RNF10: variants seen among roughly 807,000 people sequenced by gnomAD.
The protein encoded by RNF10 is E3 ubiquitin-protein ligase RNF10.
A neutral mutation model predicts 91.4 loss-of-function variants in RNF10; 38 were observed. That is an observed-to-expected ratio of 0.42 (90% CI 0.32 to 0.54). RNF10 has a LOEUF of 0.54. Among genes scored for constraint, RNF10 ranks in the 20% least tolerant of loss-of-function variants. The probability of loss-of-function intolerance (pLI) is 0.16; values close to 1 mark genes in which losing one functional copy is unlikely to be tolerated. For synonymous variants in RNF10, 364 were observed against 366.3 expected, an observed-to-expected ratio of 0.99 and a Z score of 0.07; for missense variants, 945 against 1,012.0, an observed-to-expected ratio of 0.93 and a Z score of 0.90.
chr12:120,560,942 G>A, intron 7 of RNF10, 56 bp downstream of exon 7: 1 of 1,560,894 alleles, frequency 6.4e-7, no homozygotes, highest in Non-Finnish European at 8.8e-7. Context: ...GTTCTGTGGT[G>A]AAAACCAGAA....
intron 13 of RNF10, 73 bp from the exon 14 acceptor site, chr12:120,571,118 C>G: frequency 1.1e-6 from 1 of 933,308 alleles, no homozygotes; most frequent in Non-Finnish European, 1.7e-6. Flanking sequence ...TGACTCAGGG[C>G]TCACTCATCT....
intron 2 of RNF10, among the ~76,000 whole-genome samples, chr12:120,548,518 C>G (rs1308628174): frequency 6.6e-6 from 1 of 152,024 alleles, no homozygotes; most frequent in African/African-American, 2.4e-5. Flanking sequence ...TTGAAAATGG[C>G]ATGTAGATTG....
At chr12:120,537,087 C>T (rs1470601594) in intron 1 of RNF10, among the ~76,000 whole-genome samples, 2 of 152,118 alleles carry the variant, frequency 1.3e-5, no homozygotes, top group Admixed American at 1.3e-4. Flanking sequence ...AATCCCAGCA[C>T]TTTGGGAGGC....
intron 10 of RNF10, among the ~76,000 whole-genome samples, 175 bp from the exon 11 acceptor site, chr12:120,564,897 T>C (rs1385658818): frequency 6.6e-6 from 1 of 152,256 alleles, no homozygotes; most frequent in Non-Finnish European, 1.5e-5. Flanking sequence ...TATTCCACCT[T>C]GCTGTAGGTT....
At chr12:120,546,644 A>C in intron 2 of RNF10, 43 bp downstream of exon 2, 1 of 1,521,800 alleles carries the variant, frequency 6.6e-7, no homozygotes, top group Non-Finnish European at 9.0e-7. Flanking sequence ...TAAGCATGAG[A>C]TCTGATCCCA....
At chr12:120,547,456 AT>A (rs1001341819) in intron 2 of RNF10, among the ~76,000 whole-genome samples, 3 of 151,916 alleles carry the variant, frequency 2.0e-5, no homozygotes, top group African/African-American at 4.8e-5. Context: ...TGCCTGGCTA[AT>A]TTTTTTCTTT....
At chr12:120,549,321 A>G (rs1406762258) in intron 2 of RNF10, among the ~76,000 whole-genome samples, 1 of 152,186 alleles carries the variant, frequency 6.6e-6, no homozygotes, top group African/African-American at 2.4e-5. Flanking sequence ...GCAGAAGCGT[A>G]CTAGGATTGT....
chr12:120,539,417 A>G, intron 1 of RNF10: 2 of 1,289,060 alleles, frequency 1.6e-6, no homozygotes, highest in Non-Finnish European at 2.0e-6. Flanking sequence ...ATTCTGTAGT[A>G]AGGCCATATG....
At chr12:120,535,150 G>A (rs1340590534) in intron 1 of RNF10, among the ~76,000 whole-genome samples, 182 bp downstream of exon 1, 2 of 152,202 alleles carry the variant, frequency 1.3e-5, no homozygotes. Context: ...TGGTTTACGT[G>A]GATCATTTAC....
At chr12:120,537,307 C>T (rs1424268321) in intron 1 of RNF10, among the ~76,000 whole-genome samples, 6 of 151,730 alleles carry the variant, frequency 4.0e-5, no homozygotes, top group South Asian at 4.2e-4. Context: ...AGTGAGACCC[C>T]GTCTCAAAAC....
At position 120,562,946 on chromosome 12, in the gene RNF10, C is replaced by T; in HGVS notation, c.1130C>T (p.Thr377Ile). 1.9e-6 allele frequency: 3 copies of T among 1,613,994 alleles called. No homozygotes were observed. The highest frequency in any genetic ancestry group is 2.5e-6 in the Non-Finnish European group (3 of 1,179,944). Reference protein sequence around the residue: ...FIEAAIQELKTREEALSGLAG... With the variant: ...FIEAAIQELKIREEALSGLAG... ...TGGTGTTCTCTCTGGCCACGTTAGACTCGGGAAGAGGCTCTGTCGGGATTG... is the reference window on the plus strand; with the variant it reads ...TGGTGTTCTCTCTGGCCACGTTAGATTCGGGAAGAGGCTCTGTCGGGATTG... The change falls in exon 8 of 17, where the codon ACT becomes ATT. Residue 377 changes from threonine to isoleucine, a missense_variant and splice_region_variant. Thr to Ile is a moderately conservative substitution (Grantham distance 89). Coordinates refer to ENST00000325954, the MANE Select transcript of RNF10 (RefSeq NM_014868.5).
rs747177102 is a variant in RNF10 at position 120,546,431 on chromosome 12, C to T, written c.184C>T (p.Arg62Cys). 1.1e-5 allele frequency: 18 copies of T among 1,613,288 alleles called. No homozygotes were observed. The highest frequency in any genetic ancestry group is 3.3e-5 in the South Asian group (3 of 91,050). ...SDGKNSSGSK[R>C]YNRKRELSYP... Reference sequence around the variant, plus strand: ...TGGAAAGAACTCCAGTGGATCCAAGCGTTATAATCGCAAACGTGAACTTTC... The same window carrying T: ...TGGAAAGAACTCCAGTGGATCCAAGTGTTATAATCGCAAACGTGAACTTTC... Residue 62 changes from arginine (R) to cysteine (C), a missense_variant, in exon 2 of 17, where the codon CGT becomes TGT. By Grantham distance (180) the Arg-to-Cys change is radical. Coordinates refer to ENST00000325954, the MANE Select transcript of RNF10 (RefSeq NM_014868.5).
chr12:120,559,577 G>T (rs1221834766), intron 6 of RNF10, among the ~76,000 whole-genome samples: 1 of 152,042 alleles, frequency 6.6e-6, no homozygotes, highest in Admixed American at 6.6e-5. Context: ...TAGAGACGGG[G>T]TTTCACCATG....
intron 16 of RNF10, among the ~76,000 whole-genome samples, chr12:120,576,270 T>C (rs1315489643): frequency 6.6e-6 from 1 of 152,234 alleles, no homozygotes; most frequent in East Asian, 1.9e-4. Flanking sequence ...TCTCGAAGCC[T>C]GTTGCACTCT....
At chr12:120,562,516 C>T (rs981157489) in intron 7 of RNF10, among the ~76,000 whole-genome samples, 6 of 151,764 alleles carry the variant, frequency 4.0e-5, no homozygotes, top group African/African-American at 9.7e-5. Flanking sequence ...TCAGGTGATC[C>T]GCCCACCTCA....
chr12:120,534,703 G>A lies in RNF10; in HGVS notation c.-109G>A. The A allele has an allele frequency of 7.1e-7, 1 of 1,400,558 alleles. No homozygotes were observed. Among genetic ancestry groups the A allele is most frequent in the South Asian group, 1.6e-5 (1 of 63,402 alleles). The allele number at this position is 1,400,558 out of a possible 1,614,324, so 86.8% of individuals were successfully genotyped here. On this transcript the variant is annotated 5_prime_UTR_variant, in exon 1 of 17. Transcript: ENST00000325954. ...AACAGGGAAAAATGTCGCCATGAAG[G>A]CCGAGAACCGCTGCCGCCGCCGACC...
At chr12:120,538,053 A>G (rs1871091430) in intron 1 of RNF10, among the ~76,000 whole-genome samples, 1 of 152,218 alleles carries the variant, frequency 6.6e-6, no homozygotes, top group Admixed American at 6.5e-5. Context: ...GCATAATCCC[A>G]TAAAAAGATT....
At position 120,554,736 on chromosome 12, in the gene RNF10, T is replaced by G; in HGVS notation, c.573T>G (p.Ser191=). The G allele has an allele frequency of 6.2e-7, 1 of 1,613,942 alleles. No individual in the cohort carries two copies. The highest frequency in any genetic ancestry group is 1.1e-5 in the South Asian group (1 of 91,068). The change falls in exon 4 of 17, where the codon TCT becomes TCG. Residue 191 remains serine (S), a synonymous_variant. Transcript: ENST00000325954. ...FLQANCQFVV[S]EDQDYTAHFA... ...TTTCTAGCTGCCAATTTGTGGTGTC[T>G]GAAGACCAAGACTACACAGCTCATT...
In RNF10 at chr12:120,563,036, C is replaced by A; in HGVS notation, c.1220C>A (p.Pro407His). 2.5e-6 allele frequency: 4 copies of A among 1,614,050 alleles called. No individual in the cohort carries two copies. The highest frequency in any genetic ancestry group is 3.4e-6 in the Non-Finnish European group (4 of 1,180,002). Residue 407 changes from proline to histidine, a missense_variant, in exon 8 of 17, where the codon CCC (proline) becomes CAC (histidine). By Grantham distance (77) the Pro-to-His change is moderately conservative. Coordinates refer to ENST00000325954, the MANE Select transcript of RNF10 (RefSeq NM_014868.5). The part of the protein sequence containing the change: ...AALEQLVLMA[P>H]LAKESVFQPR... ...CTGGAACAACTGGTGCTGATGGCTC[C>A]CTTGGCGAAGGAGTCTGTTTTTCAA... is the stretch of plus-strand genomic sequence containing the variant.
Sources: gnomAD v4.1 joint callset for allele counts (sites outside exome capture counted in the v4.1 genomes callset) on GRCh38, gnomAD v4.1.1 for gene constraint, MANE v1.5 for transcripts, NCBI Gene and HGNC (gene_info 2026-07-23, HGNC 2026-07-21) for gene names.